Variants in TMLHE observed in about 807,000 individuals in gnomAD.
The protein encoded by TMLHE is trimethyllysine hydroxylase, epsilon.
Under a neutral mutation model 25.7 loss-of-function variants are expected in TMLHE, and 18 were observed. The ratio of observed to expected loss-of-function variants is 0.70; its 90% confidence interval spans 0.48 to 1.04. TMLHE has a LOEUF of 1.04. Ranked by LOEUF, TMLHE falls within the 50% of genes least tolerant of loss-of-function variation. The pLI, the probability that TMLHE is intolerant of heterozygous loss-of-function variation, is 0.00. For synonymous variants in TMLHE, 105 were observed against 97.0 expected (o/e 1.08, Z -0.49); for missense variants, 236 against 259.0 (o/e 0.91, Z 0.61).
intron 1 of TMLHE, among the ~76,000 whole-genome samples, chrX:155,606,084 C>T (rs949119286): frequency 2.1e-4 from 23 of 111,797 alleles, no homozygotes; most frequent in Admixed American, 9.5e-5. Context: ...ACAGGAGCAC[C>T]CGGATTCATA....
chrX:155,521,877 G>A (rs1305150547), intron 3 of TMLHE, among the ~76,000 whole-genome samples: 1 of 85,944 alleles, frequency 1.2e-5, no homozygotes, highest in Non-Finnish European at 2.3e-5. Context: ...GCCCTGCTTC[G>A]GCTCGCGCAC....
chrX:155,538,688 A>AT (rs1267692996), intron 2 of TMLHE, among the ~76,000 whole-genome samples: 1 of 111,664 alleles, frequency 9.0e-6, no homozygotes, highest in Non-Finnish European at 1.9e-5. Flanking sequence ...GTGCCCATAT[A>AT]TTCCACCTTT....
At chrX:155,558,007 T>C (rs1190921873) in intron 1 of TMLHE, among the ~76,000 whole-genome samples, 2 of 111,805 alleles carry the variant, frequency 1.8e-5, no homozygotes, top group African/African-American at 3.2e-5. Flanking sequence ...TCAAACTTTT[T>C]GCACATGGTA....
At position 155,604,614 on chromosome X, in the gene TMLHE, G is replaced by C; in HGVS notation, c.-2+8178C>G. Among the ~76,000 whole-genome samples the C allele has an allele frequency of 1.8e-5, 2 of 111,686 alleles. 1 individual carries two copies. The highest frequency in any genetic ancestry group is 9.3e-3 in the Middle Eastern group (2 of 216). On this transcript the variant is annotated intron_variant, in intron 1 of 7. Coordinates refer to ENST00000334398, the MANE Select transcript of TMLHE (RefSeq NM_018196.4). ...TGAAGGCTGCATGTGAAGCCCAAGA[G>C]TGTCAAGCCAAGCTCTGCAGCCAGC...
intron 1 of TMLHE, among the ~76,000 whole-genome samples, chrX:155,569,859 T>C (rs182501585): frequency 0.11 from 6,080 of 55,948 alleles, 1,602 homozygotes; most frequent in African/African-American, 0.14. Flanking sequence ...AAGGAACAAC[T>C]GATACCAGCC....
At chrX:155,560,471 A>G (rs1363914825) in intron 1 of TMLHE, among the ~76,000 whole-genome samples, 1 of 106,836 alleles carries the variant, frequency 9.4e-6, no homozygotes, top group Non-Finnish European at 1.9e-5. Context: ...AGTTATATAT[A>G]GTAAGCTATA....
intron 2 of TMLHE, among the ~76,000 whole-genome samples, chrX:155,543,781 ATGT>A (rs782069561): frequency 1.8e-5 from 2 of 112,032 alleles, no homozygotes; most frequent in South Asian, 7.4e-4. Context: ...AAGTTTTGTA[ATGT>A]TGTTATTGTT....
At chrX:155,532,309 T>C (rs781894315) in intron 2 of TMLHE, among the ~76,000 whole-genome samples, 1 of 112,130 alleles carries the variant, frequency 8.9e-6, no homozygotes, top group South Asian at 3.7e-4. Flanking sequence ...AAGTCAAACA[T>C]GCAGATAGAA....
intron 3 of TMLHE, among the ~76,000 whole-genome samples, chrX:155,518,491 T>G (rs1235520733): frequency 4.1e-5 from 4 of 96,564 alleles, no homozygotes; most frequent in African/African-American, 1.5e-4. Context: ...CTTTTTTGGT[T>G]GTGTCTCTGC....
At chrX:155,548,596 G>GAC (rs1569562101) in intron 1 of TMLHE, among the ~76,000 whole-genome samples, 5 of 107,429 alleles carry the variant, frequency 4.7e-5, no homozygotes, top group Non-Finnish European at 7.7e-5. Flanking sequence ...TTAGCCGGGT[G>GAC]TGGTGGCACA....
intron 1 of TMLHE, among the ~76,000 whole-genome samples, chrX:155,560,641 G>T (rs1557341720): frequency 1.9e-5 from 1 of 53,540 alleles, no homozygotes; most frequent in African/African-American, 4.0e-5. Flanking sequence ...CAATGCAAAG[G>T]CTCTAAGTTG....
At chrX:155,604,899 A>G (rs912531419) in intron 1 of TMLHE, among the ~76,000 whole-genome samples, 1 of 112,213 alleles carries the variant, frequency 8.9e-6, no homozygotes, top group East Asian at 2.8e-4. Context: ...ATGTCCAGAA[A>G]TGAGGTCAAC....
chrX:155,576,249 C>T (rs2067588358), intron 1 of TMLHE, among the ~76,000 whole-genome samples: 1 of 111,116 alleles, frequency 9.0e-6, no homozygotes, highest in Non-Finnish European at 1.9e-5. Context: ...AGAGTGCAAT[C>T]GCATTCACAA....
intron 6 of TMLHE, among the ~76,000 whole-genome samples, chrX:155,505,837 G>T (rs1258289943): frequency 9.0e-6 from 1 of 111,689 alleles, no homozygotes; most frequent in Admixed American, 9.6e-5. Flanking sequence ...ACTCTTGGTA[G>T]ATGCTCATGA....
At position 155,573,248 on chromosome X, in the gene TMLHE, G is replaced by C. The variant is rs1413071200; in HGVS notation, c.-1-27971C>G. Among the ~76,000 whole-genome samples, 2 of 58,130 alleles carry C rather than the reference G, an allele frequency of 3.4e-5. 1 individual carries two copies. Among genetic ancestry groups the C allele is most frequent in the African/African-American group, 8.2e-5 (2 of 24,409 alleles). 50.5% of individuals were successfully genotyped at this position (58,130 alleles called of 115,157 possible). A position where few individuals can be genotyped will look rare whatever the true frequency, so the allele number is the denominator to read the frequency against. ...CATGAAAAAATGCTCACCATCACTA[G>C]CCATCAGAGAAATGCAAATCAAAAC... On this transcript the variant is annotated intron_variant, in intron 1 of 7. Coordinates refer to ENST00000334398, the MANE Select transcript of TMLHE (RefSeq NM_018196.4).
At chrX:155,567,958 T>G (rs1429705893) in intron 1 of TMLHE, among the ~76,000 whole-genome samples, 1 of 61,241 alleles carries the variant, frequency 1.6e-5, no homozygotes, top group African/African-American at 3.6e-5. Flanking sequence ...TGGGTTCATC[T>G]CATTAGGGAG....
chrX:155,538,683 C>T (rs1569562000), intron 2 of TMLHE, among the ~76,000 whole-genome samples: 1 of 111,657 alleles, frequency 9.0e-6, no homozygotes, highest in East Asian at 2.8e-4. Context: ...CATCTGTGCC[C>T]ATATATTCCA....
intron 1 of TMLHE, among the ~76,000 whole-genome samples, chrX:155,594,523 A>T (rs2067710630): frequency 8.9e-6 from 1 of 112,296 alleles, no homozygotes; most frequent in African/African-American, 3.2e-5. Flanking sequence ...CTAATTAATA[A>T]CATAAAACAT....
In TMLHE at chrX:155,570,532, A is replaced by C. The variant is rs1476043579; in HGVS notation, c.-1-25255T>G. 5.4e-5 allele frequency among the ~76,000 whole-genome samples: 3 copies of C among 56,024 alleles called. 1 individual carries two copies. Among genetic ancestry groups the C allele is most frequent in the African/African-American group, 1.3e-4 (3 of 23,320 alleles). The allele number at this position is 56,024 out of a possible 115,157, so 48.7% of individuals were successfully genotyped here. ...TCCACCCCAAATCAACAGAATATAC[A>C]TTTTTTTTCAGCACCACACCACATC... On this transcript the variant is annotated intron_variant, in intron 1 of 7. Coordinates refer to ENST00000334398, the MANE Select transcript of TMLHE (RefSeq NM_018196.4).
Sources: allele counts gnomAD v4.1 joint callset (sites outside exome capture counted in the v4.1 genomes callset), GRCh38; gene constraint gnomAD v4.1.1; transcripts MANE v1.5; gene names NCBI Gene and HGNC (gene_info 2026-07-23, HGNC 2026-07-21).